MAP3K20: variants seen among roughly 807,000 people sequenced by gnomAD.
MAP3K20 encodes HCCS-4.
MAP3K20 carries 40 observed loss-of-function variants against 85.7 expected under a neutral mutation model. That is an observed-to-expected ratio of 0.47 (90% confidence interval 0.36 to 0.61). The LOEUF is 0.61. Ranked by LOEUF, MAP3K20 falls within the 20% of genes least tolerant of loss-of-function variation. MAP3K20 has a pLI of 0.00. For synonymous variants in MAP3K20, 325 were observed against 327.7 expected (o/e 0.99, Z 0.09); for missense variants, 817 against 961.7 (o/e 0.85, Z 1.99).
At chr2:173,243,862 G>A (rs1482324536) in intron 16 of MAP3K20, among the ~76,000 whole-genome samples, 2 of 152,118 alleles carry the variant, frequency 1.3e-5, no homozygotes, top group South Asian at 2.1e-4. Context: ...TCCTGATCTC[G>A]TGATCCGCCC....
At chr2:173,162,076 C>CA (rs959070764) in intron 2 of MAP3K20, among the ~76,000 whole-genome samples, 2 of 151,602 alleles carry the variant, frequency 1.3e-5, no homozygotes, top group South Asian at 2.1e-4. Context: ...ATTTGGGAAA[C>CA]AAAAAAAATT....
chr2:173,095,667 A>G (rs1315411228), intron 2 of MAP3K20, among the ~76,000 whole-genome samples: 1 of 152,224 alleles, frequency 6.6e-6, no homozygotes, highest in Admixed American at 6.5e-5. Context: ...AAAGATGGAT[A>G]TAATTATAGG....
intron 2 of MAP3K20, among the ~76,000 whole-genome samples, chr2:173,157,613 C>T (rs1689516726): frequency 6.6e-6 from 1 of 152,162 alleles, no homozygotes; most frequent in Non-Finnish European, 1.5e-5. Flanking sequence ...CTCTGTTTCA[C>T]TGGAGAGTAA....
chr2:173,115,469 T>G (rs1300938808), intron 2 of MAP3K20, among the ~76,000 whole-genome samples: 2 of 152,272 alleles, frequency 1.3e-5, no homozygotes, highest in Admixed American at 1.3e-4. Flanking sequence ...GTGATTTTTT[T>G]GGGGGGTGTT....
At chr2:173,156,513 G>A (rs1689475627) in intron 2 of MAP3K20, among the ~76,000 whole-genome samples, 1 of 152,140 alleles carries the variant, frequency 6.6e-6, no homozygotes, top group South Asian at 2.1e-4. Flanking sequence ...CACAGATAGG[G>A]CGGTGGTGGG....
chr2:173,246,662 A>G (rs1432219779), intron 16 of MAP3K20, among the ~76,000 whole-genome samples: 2 of 152,192 alleles, frequency 1.3e-5, no homozygotes, highest in African/African-American at 2.4e-5. Context: ...GGAGTCGTCC[A>G]TTCCTTACAA....
chr2:173,241,695 A>G (rs1439806729), intron 16 of MAP3K20, among the ~76,000 whole-genome samples: 2 of 152,156 alleles, frequency 1.3e-5, no homozygotes, highest in African/African-American at 4.8e-5. Context: ...TTTTTTAAAG[A>G]TGCCCTTTCT....
chr2:173,128,865 A>C (rs1271519883), intron 2 of MAP3K20, among the ~76,000 whole-genome samples: 6 of 151,922 alleles, frequency 3.9e-5, no homozygotes, highest in Admixed American at 3.3e-4. Flanking sequence ...TTTTATATGA[A>C]ATATGCTCCT....
At chr2:173,156,514 C>T (rs1689475738) in intron 2 of MAP3K20, among the ~76,000 whole-genome samples, 1 of 152,054 alleles carries the variant, frequency 6.6e-6, no homozygotes, top group Non-Finnish European at 1.5e-5. Context: ...ACAGATAGGG[C>T]GGTGGTGGGG....
intron 18 of MAP3K20, among the ~76,000 whole-genome samples, chr2:173,263,354 G>C (rs1190123100): frequency 6.6e-6 from 1 of 152,150 alleles, no homozygotes; most frequent in Non-Finnish European, 1.5e-5. Context: ...CTGTCATCAA[G>C]TACTATAAAT....
rs375276292 is a variant in MAP3K20, at chr2:173,243,753, GACTACA to G, written c.1359+4264_1359+4269del. On this transcript the variant is annotated intron_variant, in intron 16 of 19. Coordinates refer to ENST00000375213, the MANE Select transcript of MAP3K20 (RefSeq NM_016653.3). ...CTGCCTCAGCCTCCCGAATAGCTGGGACTACAACTACAGGCTCCCGCCACCACGCCC... is the reference window on the plus strand; with the variant it reads ...CTGCCTCAGCCTCCCGAATAGCTGGGACTACAGGCTCCCGCCACCACGCCC... Among the ~76,000 whole-genome samples the G allele has an allele frequency of 1.3e-3, 198 of 152,246 alleles. 1 individual carries two copies. The highest frequency in any genetic ancestry group is 3.3e-3 in the African/African-American group (139 of 41,540).
chr2:173,190,790 A>G (rs1690623423), intron 5 of MAP3K20, 105 bp from the exon 6 acceptor site: 1 of 1,078,514 alleles, frequency 9.3e-7, no homozygotes. Context: ...CACCTTTCAT[A>G]ATCCCATATT....
intron 9 of MAP3K20, among the ~76,000 whole-genome samples, 200 bp downstream of exon 9, chr2:173,204,070 C>T (rs566770252): frequency 6.6e-6 from 1 of 152,268 alleles, no homozygotes; most frequent in African/African-American, 2.4e-5. Context: ...TTAACTCATT[C>T]TCATAGCACG....
At chr2:173,125,756 G>A (rs1450721965) in intron 2 of MAP3K20, among the ~76,000 whole-genome samples, 1 of 152,018 alleles carries the variant, frequency 6.6e-6, no homozygotes, top group African/African-American at 2.4e-5. Context: ...TCCGCCTCCT[G>A]GGTTCATGCC....
At chr2:173,108,903 C>T (rs1018798864) in intron 2 of MAP3K20, among the ~76,000 whole-genome samples, 13 of 152,282 alleles carry the variant, frequency 8.5e-5, no homozygotes, top group African/African-American at 3.1e-4. Flanking sequence ...TGGAATCTTA[C>T]TTGTGGGACA....
At chr2:173,144,877 A>G (rs1206878051) in intron 2 of MAP3K20, among the ~76,000 whole-genome samples, 1 of 152,244 alleles carries the variant, frequency 6.6e-6, no homozygotes, top group East Asian at 1.9e-4. Context: ...ACAGTATAGT[A>G]TTGGTATAAA....
intron 11 of MAP3K20, chr2:173,222,816 A>C (rs1574132250): frequency 1.0e-6 from 1 of 985,310 alleles, no homozygotes; most frequent in Non-Finnish European, 1.2e-6. Context: ...TGCTCTGAAA[A>C]CCTGGCTAGC....
At chr2:173,234,680 A>C (rs1441746538) in intron 14 of MAP3K20, among the ~76,000 whole-genome samples, 1 of 152,220 alleles carries the variant, frequency 6.6e-6, no homozygotes, top group African/African-American at 2.4e-5. Context: ...GTGGAGGAAC[A>C]GAAAAGAGGA....
chr2:173,091,022 T>A lies in MAP3K20; in HGVS notation c.-10T>A, dbSNP rs1021805491. 6.2e-7 allele frequency: 1 copy of A among 1,605,708 alleles called. No homozygotes were observed. The highest frequency in any genetic ancestry group is 1.1e-5 in the South Asian group (1 of 90,568). ...GATTTTGTGGAAGTATAATACTTTG[T>A]CATTATGAGATGTCGTCTCTCGGTG... On this transcript the variant is annotated 5_prime_UTR_variant, in exon 2 of 20. Coordinates refer to ENST00000375213, the MANE Select transcript of MAP3K20 (RefSeq NM_016653.3).
Sources: allele counts gnomAD v4.1 joint callset (sites outside exome capture counted in the v4.1 genomes callset), GRCh38; gene constraint gnomAD v4.1.1; transcripts MANE v1.5; gene names NCBI Gene and HGNC (gene_info 2026-07-23, HGNC 2026-07-21).